SEMA4G: variants seen among roughly 807,000 people sequenced by gnomAD.
SEMA4G encodes semaphorin-4G.
SEMA4G carries 59 observed loss-of-function variants against 81.2 expected under a neutral mutation model. The observed-to-expected ratio is 0.73, with a 90% CI of 0.59 to 0.90. The LOEUF (loss-of-function observed/expected upper bound fraction) is 0.90, where lower values mean the gene tolerates loss of function less well. SEMA4G is among the 40% of genes least tolerant of loss of function. The pLI is 0.00. For synonymous variants in SEMA4G, 404 were observed against 433.9 expected, an observed-to-expected ratio of 0.93 and a Z score of 0.86; for missense variants, 952 against 1,102.3, an observed-to-expected ratio of 0.86 and a Z score of 1.93.
Position 100,978,202 on chromosome 10 carries a change from G to C in SEMA4G, c.436-93G>C, listed in dbSNP as rs1053686170. ...TGCCATACAACCTGCCCCTATCCCTGATCGCTGATCCCTGACCCCAGACTG... is the reference window on the plus strand; with the variant it reads ...TGCCATACAACCTGCCCCTATCCCTCATCGCTGATCCCTGACCCCAGACTG... On this transcript the variant is annotated intron_variant, in intron 4 of 13. Coordinates refer to ENST00000370250, the Ensembl canonical transcript of SEMA4G. 2.9e-5 allele frequency: 25 copies of C among 861,304 alleles called. No individual in the cohort carries two copies. The African/African-American group carries it at 4.2e-4, about 14-fold the overall frequency. The allele number at this position is 861,304 out of a possible 1,614,324, so 53.4% of individuals were successfully genotyped here.
At position 100,973,031 on chromosome 10, in the gene SEMA4G, A is replaced by G. The variant is rs772310279; in HGVS notation, c.119A>G (p.Tyr40Cys). 2.5e-6 allele frequency: 4 copies of G among 1,614,072 alleles called. No homozygotes were observed. Among genetic ancestry groups the G allele is most frequent in the South Asian group, 1.1e-5 (1 of 91,076 alleles). Residue 40 changes from tyrosine to cysteine, a missense_variant, in exon 1 of 14, where the codon TAT becomes TGT. Around this residue, in one of 3 missense-constraint regions of SEMA4G, gnomAD observed 436 missense variants for 488.2 expected, o/e 0.89. Coordinates refer to ENST00000370250, the Ensembl canonical transcript of SEMA4G. This position sits in a 1 kb window ranked among gnomAD's most constrained non-coding sequence, Gnocchi z 5.5. ...GCCACCCCTCGGATGACCATACCCT[A>G]TGAAGGTTAGACCCTCAACCTCAAA...
At chr10:100,978,121 T>C (rs986808034) in intron 4 of SEMA4G, 174 bp from the exon 6 acceptor site, 1 of 600,334 alleles carries the variant, frequency 1.7e-6, no homozygotes, top group Non-Finnish European at 3.0e-6. Flanking sequence ...ATACATTGTT[T>C]TGAGGCCATA....
At position 100,983,381 on chromosome 10, in the gene SEMA4G, C is replaced by A. The variant is rs549851109; in HGVS notation, c.1767C>A (p.Asn589Lys). Residue 589 changes from asparagine (N) to lysine (K), a missense_variant, in exon 14 of 14, where the codon AAC (asparagine) becomes AAA (lysine). By Grantham distance (94) the Asn-to-Lys change is moderately conservative. This residue lies in a region of SEMA4G where 385 missense variants were observed against 413.5 expected (regional missense o/e 0.93). Transcript: ENST00000370250. ...TCCTGCCCTGTGACCAGCCATCCAA[C>A]CTGGCCCGGGCCTTGTGGCTACTCA... 6.8e-6 allele frequency: 11 copies of A among 1,609,922 alleles called. No homozygotes were observed. In the South Asian group the frequency reaches 1.2e-4, roughly 18 times the overall value.
intron 3 of SEMA4G, among the ~76,000 whole-genome samples, chr10:100,975,372 A>G (rs2133862804): frequency 6.6e-6 from 1 of 152,318 alleles, no homozygotes; most frequent in South Asian, 2.1e-4. Flanking sequence ...TTCCCAAAGC[A>G]TGTTCTGAGG....
chr10:100,972,038 A>G (rs922830537), upstream of SEMA4G, among the ~76,000 whole-genome samples: 3 of 152,132 alleles, frequency 2.0e-5, no homozygotes, highest in African/African-American at 7.2e-5. Flanking sequence ...AAGAAGTTAT[A>G]ATTAAAGAGA....
In SEMA4G at chr10:100,979,021, G is replaced by A. The variant is rs1239863126; in HGVS notation, c.813+3G>A. ...CCCGTGTGGCTCGTGTCTGCAAGGT[G>A]GATTGGGCTGACGTTGGGGCACGGG... On this transcript the variant is annotated splice_donor_region_variant and intron_variant, in intron 7 of 13. Transcript: ENST00000370250. 2 of 1,613,844 alleles carry A rather than the reference G, an allele frequency of 1.2e-6. No homozygotes were observed. Among genetic ancestry groups the A allele is most frequent in the Non-Finnish European group, 1.7e-6 (2 of 1,179,764 alleles).
Position 100,973,710 on chromosome 10 carries a change from A to G in SEMA4G, c.336+101A>G, listed in dbSNP as rs1419147095. Reference sequence around the variant, plus strand: ...ACAGATGGGTAGGTACAGACCTGCCAGTCAATCTCAGCAACCACAGTAAAC... The same window carrying G: ...ACAGATGGGTAGGTACAGACCTGCCGGTCAATCTCAGCAACCACAGTAAAC... On this transcript the variant is annotated intron_variant, in intron 3 of 13. Coordinates refer to ENST00000370250, the Ensembl canonical transcript of SEMA4G. The surrounding 1 kb of genome is among the most constrained non-coding windows in gnomAD (Gnocchi z 5.5). The G allele has an allele frequency of 3.0e-6, 3 of 985,180 alleles. No individual in the cohort carries two copies. Among genetic ancestry groups the G allele is most frequent in the Non-Finnish European group, 4.6e-6 (3 of 649,012 alleles). The allele number at this position is 985,180 out of a possible 1,614,324, so 61.0% of individuals were successfully genotyped here.
At chr10:100,978,172 G>A in intron 4 of SEMA4G, 123 bp from the exon 6 acceptor site, 1 of 648,008 alleles carries the variant, frequency 1.5e-6, no homozygotes. Context: ...GCTGTCAGGT[G>A]CATCTGCCAT....
chr10:100,984,215 C>A, exon 14 of SEMA4G: 1 of 1,500,270 alleles, frequency 6.7e-7, no homozygotes, highest in Non-Finnish European at 8.8e-7. Context: ...CAGCCACCCT[C>A]CCTTCATTAC....
At chr10:100,984,071 C>T in exon 14 of SEMA4G, 1 of 1,613,678 alleles carries the variant, frequency 6.2e-7, no homozygotes, top group African/African-American at 1.3e-5. Flanking sequence ...AACTCAGCCG[C>T]ATCCTGGAAA....
At position 100,983,345 on chromosome 10, in the gene SEMA4G, T is replaced by C. The variant is rs778125924; in HGVS notation, c.1731T>C (p.Gly577=). The change falls in exon 14 of 14, where the codon GGT becomes GGC. Residue 577 remains glycine (G), a synonymous_variant. Transcript: ENST00000370250. The stretch of plus-strand genomic sequence containing the variant: ...TGAAGACCCGCTCTGTGCTCCGGGG[T>C]GATGATGTCCTCCTGCCCTGTGACC... 8 of 1,591,894 alleles carry C rather than the reference T, an allele frequency of 5.0e-6. No individual in the cohort carries two copies. The South Asian group carries it at 8.0e-5, about 16-fold the overall frequency.
upstream of SEMA4G, among the ~76,000 whole-genome samples, chr10:100,971,332 G>T (rs1448191595): frequency 6.6e-6 from 1 of 152,226 alleles, no homozygotes; most frequent in Non-Finnish European, 1.5e-5. Context: ...TCCACAGGGA[G>T]GGGTGGGGCA....
intron 3 of SEMA4G, among the ~76,000 whole-genome samples, chr10:100,975,924 T>C (rs548224944): frequency 1.7e-4 from 26 of 152,044 alleles, no homozygotes; most frequent in Non-Finnish European, 2.8e-4. Flanking sequence ...AAAAAATAAA[T>C]AAACATCTTG....
chr10:100,985,287 A>T (rs1851386346), downstream of SEMA4G: 1 of 175,036 alleles, frequency 5.7e-6, no homozygotes, highest in African/African-American at 2.4e-5. Context: ...GTCCTACCTC[A>T]CCGGGGCACT....
At chr10:100,982,791 C>CA (rs1335291943) in intron 13 of SEMA4G, among the ~76,000 whole-genome samples, 2 of 151,908 alleles carry the variant, frequency 1.3e-5, no homozygotes, top group East Asian at 1.9e-4. Context: ...GACTCCGTCT[C>CA]AAAAAAACAA....
upstream of SEMA4G, chr10:100,969,576 G>A (rs546087970): frequency 2.5e-4 from 57 of 230,568 alleles, no homozygotes; most frequent in African/African-American, 1.3e-3. Flanking sequence ...CTATGGCCCC[G>A]GATCCGAGCG....
At chr10:100,984,132 GC>G in exon 14 of SEMA4G, 2 of 1,604,184 alleles carry the variant, frequency 1.2e-6, no homozygotes, top group Non-Finnish European at 1.7e-6. Flanking sequence ...CTCTGTCTGA[GC>G]CCAGCCTCCC....
downstream of SEMA4G, chr10:100,985,185 G>A (rs539958411): frequency 1.4e-5 from 5 of 346,484 alleles, no homozygotes; most frequent in Non-Finnish European, 2.6e-5. Flanking sequence ...AAAGGGAGGA[G>A]AAATCTGATG....
At chr10:100,971,041 G>T (rs534533970), upstream of SEMA4G, among the ~76,000 whole-genome samples, 5 of 152,308 alleles carry the variant, frequency 3.3e-5, no homozygotes, top group Admixed American at 3.3e-4. Flanking sequence ...GAGCATATGT[G>T]TGCACAAAAC....
Sources: gnomAD v4.1 joint callset for allele counts (sites outside exome capture counted in the v4.1 genomes callset) on GRCh38, gnomAD v4.1.1 for gene constraint, gnomAD v4.1.1 regional missense constraint, Gnocchi (gnomAD v3.1) non-coding constraint, MANE v1.5 for transcripts, NCBI Gene and HGNC (gene_info 2026-07-23, HGNC 2026-07-21) for gene names.